CPEB1: variants seen among roughly 807,000 people sequenced by gnomAD.
The protein encoded by CPEB1 is cytoplasmic polyadenylation element-binding protein 1.
In CPEB1, 7 loss-of-function variants were observed where a neutral mutation model predicts 65.8. The observed-to-expected ratio is 0.11, with a 90% confidence interval of 0.06 to 0.20. The LOEUF is 0.20. CPEB1 is among the 10% of genes least tolerant of loss of function. CPEB1 has a pLI of 1.00. For synonymous variants in CPEB1, 262 were observed against 260.0 expected (o/e 1.01, Z -0.08); for missense variants, 551 against 712.2 (o/e 0.77, Z 2.58).
chr15:82,577,968 G>A (rs8039549), intron 3 of CPEB1, among the ~76,000 whole-genome samples: 60,231 of 151,718 alleles, frequency 0.4, 12,562 homozygotes, highest in African/African-American at 0.53. Context: ...GTGAAACCCC[G>A]TCTCTAATAA....
chr15:82,584,619 A>G (rs1172901901), intron 3 of CPEB1, among the ~76,000 whole-genome samples: 4 of 150,950 alleles, frequency 2.6e-5, no homozygotes, highest in Admixed American at 1.3e-4. Flanking sequence ...AGGAGGTTAC[A>G]GTGAGCCAAG....
At chr15:82,614,962 G>A (rs752204501) in intron 3 of CPEB1, among the ~76,000 whole-genome samples, 4 of 151,836 alleles carry the variant, frequency 2.6e-5, no homozygotes, top group African/African-American at 4.8e-5. Flanking sequence ...TCACCATTTA[G>A]TAAGTGCAGT....
chr15:82,643,618 C>G (rs1386479081), intron 1 of CPEB1, among the ~76,000 whole-genome samples: 2 of 150,428 alleles, frequency 1.3e-5, no homozygotes, highest in Non-Finnish European at 3.0e-5. Context: ...AACAGAGTCT[C>G]CATCTCAAAA....
chr15:82,595,750 T>C (rs1219926879), intron 3 of CPEB1, among the ~76,000 whole-genome samples: 1 of 152,366 alleles, frequency 6.6e-6, no homozygotes, highest in East Asian at 1.9e-4. Context: ...ATTAAGTTTA[T>C]TTTTTAAAAA....
intron 9 of CPEB1, among the ~76,000 whole-genome samples, chr15:82,551,260 A>G (rs1195366533): frequency 6.6e-6 from 1 of 152,122 alleles, no homozygotes; most frequent in Non-Finnish European, 1.5e-5. Context: ...CTCTTACCCT[A>G]TAGATTTTTT....
At chr15:82,643,571 G>A (rs1273380437) in intron 1 of CPEB1, among the ~76,000 whole-genome samples, 1 of 151,930 alleles carries the variant, frequency 6.6e-6, no homozygotes, top group African/African-American at 2.4e-5. Context: ...GGAGGTTGCA[G>A]TGAGCCGAGA....
At chr15:82,633,324 C>T (rs1308844747) in intron 1 of CPEB1, 1 of 152,222 alleles carries the variant, frequency 6.6e-6, no homozygotes, top group African/African-American at 2.4e-5. Context: ...ACTAGTTCTA[C>T]CTATCTACCT....
intron 4 of CPEB1, among the ~76,000 whole-genome samples, chr15:82,558,388 T>C (rs2037600855): frequency 6.6e-6 from 1 of 152,226 alleles, no homozygotes; most frequent in African/African-American, 2.4e-5. Flanking sequence ...ACGATTTGTT[T>C]ATTAGAAGAA....
intron 3 of CPEB1, among the ~76,000 whole-genome samples, chr15:82,585,891 G>T (rs951267914): frequency 8.6e-5 from 13 of 151,734 alleles, no homozygotes; most frequent in Non-Finnish European, 1.5e-4. Context: ...CAATATGATA[G>T]GTTAAAAAAT....
chr15:82,585,786 CTGAA>C (rs368655310), intron 3 of CPEB1, among the ~76,000 whole-genome samples: 34 of 152,320 alleles, frequency 2.2e-4, no homozygotes, highest in African/African-American at 8.2e-4. Flanking sequence ...ACTCTCTTCT[CTGAA>C]TGAACAGTTT....
chr15:82,573,968 A>G (rs1364150457), intron 3 of CPEB1, among the ~76,000 whole-genome samples: 1 of 152,042 alleles, frequency 6.6e-6, no homozygotes, highest in Admixed American at 6.6e-5. Context: ...TTCCCATCTC[A>G]AAAGTTTGAA....
intron 3 of CPEB1, among the ~76,000 whole-genome samples, chr15:82,608,763 G>T (rs114047492): frequency 6.6e-6 from 1 of 151,430 alleles, no homozygotes; most frequent in East Asian, 1.9e-4. Context: ...CCTGATCATT[G>T]ATTTTATTTT....
chr15:82,609,965 C>T (rs549529213), intron 3 of CPEB1, among the ~76,000 whole-genome samples: 2 of 149,092 alleles, frequency 1.3e-5, no homozygotes, highest in South Asian at 4.3e-4. Flanking sequence ...GAGGCTGAGG[C>T]GGGAGAATCG....
chr15:82,645,910 C>A (rs746227332), intron 1 of CPEB1, among the ~76,000 whole-genome samples: 9 of 151,856 alleles, frequency 5.9e-5, no homozygotes, highest in Non-Finnish European at 8.8e-5. Context: ...AATAAAAAGC[C>A]AAACTCCTAC....
intron 1 of CPEB1, among the ~76,000 whole-genome samples, chr15:82,643,337 T>A (rs1289203275): frequency 6.6e-6 from 1 of 152,128 alleles, no homozygotes; most frequent in African/African-American, 2.4e-5. Flanking sequence ...CTCCTTTAAA[T>A]CCTTGGGAAT....
chr15:82,578,824 GT>G (rs1275993754), intron 3 of CPEB1, among the ~76,000 whole-genome samples: 1 of 152,050 alleles, frequency 6.6e-6, no homozygotes, highest in Non-Finnish European at 1.5e-5. Context: ...AAAATTACAT[GT>G]TTTTTTGTTT....
At chr15:82,564,348 T>C (rs2038766934) in intron 4 of CPEB1, among the ~76,000 whole-genome samples, 1 of 152,102 alleles carries the variant, frequency 6.6e-6, no homozygotes, top group African/African-American at 2.4e-5. Context: ...TGCGGTGGCG[T>C]GATCTCAGCT....
In CPEB1 at chr15:82,602,000, G is replaced by C. The variant is rs113985924; in HGVS notation, c.271+25193C>G. Among the ~76,000 whole-genome samples, 106 of 152,182 alleles carry C rather than the reference G, an allele frequency of 7.0e-4. 2 individuals carry two copies. Among genetic ancestry groups the C allele is most frequent in the Non-Finnish European group, 2.1e-4 (14 of 68,022 alleles). On this transcript the variant is annotated intron_variant, in intron 3 of 12. Coordinates refer to ENST00000684509, the MANE Select transcript of CPEB1 (RefSeq NM_001365242.1). ...ATAGAAAATCTGAAACATCAAATTA[G>C]TAAATTTGACCTAACAGACATAAAC...
intron 3 of CPEB1, among the ~76,000 whole-genome samples, chr15:82,614,136 G>A (rs115563782): frequency 0.011 from 1,747 of 152,146 alleles, 28 homozygotes; most frequent in African/African-American, 0.04. Context: ...GGCTCCCAGC[G>A]TCCTCTTCGT....
Sources: gnomAD v4.1 joint callset for allele counts (sites outside exome capture counted in the v4.1 genomes callset) on GRCh38, gnomAD v4.1.1 for gene constraint, MANE v1.5 for transcripts, NCBI Gene and HGNC (gene_info 2026-07-23, HGNC 2026-07-21) for gene names.